PRKCH: variants seen among roughly 807,000 people sequenced by gnomAD.
The protein encoded by PRKCH is protein kinase C eta.
A neutral mutation model predicts 82.5 loss-of-function variants in PRKCH; 28 were observed. The ratio of observed to expected loss-of-function variants is 0.34; its 90% confidence interval spans 0.25 to 0.47. The LOEUF (loss-of-function observed/expected upper bound fraction) is 0.47, where lower values mean the gene tolerates loss of function less well. Ranked by LOEUF, PRKCH falls within the 20% of genes least tolerant of loss-of-function variation. The pLI is 1.00. For synonymous variants in PRKCH, 322 were observed against 327.4 expected, an observed-to-expected ratio of 0.98 and a Z score of 0.18; for missense variants, 705 against 881.8, an observed-to-expected ratio of 0.80 and a Z score of 2.54.
rs2045632321 is a variant in PRKCH at position 61,322,079 on chromosome 14, G to A, written c.-23G>A. 3.9e-6 allele frequency: 6 copies of A among 1,519,900 alleles called. No homozygotes were observed. In the Admixed American group the frequency reaches 1.0e-4, roughly 26 times the overall value. The allele number at this position is 1,519,900 out of a possible 1,614,324, so 94.2% of individuals were successfully genotyped here. On this transcript the variant is annotated 5_prime_UTR_variant, in exon 1 of 14. Transcript: ENST00000332981. ...CCGCTGCGAAGCAGCGCGGCCCCCC[G>A]GGGCCGGGGCAGCGGCGCCGGCATG...
intron 1 of PRKCH, among the ~76,000 whole-genome samples, chr14:61,367,395 G>A (rs193186122): frequency 2.0e-5 from 3 of 150,642 alleles, no homozygotes; most frequent in Admixed American, 2.0e-4. Flanking sequence ...TCAGAGGTCA[G>A]CCCTGATGTA....
chr14:61,467,775 G>A lies in PRKCH; in HGVS notation c.1278+10096G>A, dbSNP rs554495310. Among the ~76,000 whole-genome samples the A allele has an allele frequency of 2.0e-5, 3 of 152,344 alleles. No homozygotes were observed. In the South Asian group the frequency reaches 6.2e-4, roughly 32 times the overall value. ...GGCAGTTCATGAGACCCTAGCATAT[G>A]TCCTAGGTGCTCATATTCATTACCA... On this transcript the variant is annotated intron_variant, in intron 9 of 13. Coordinates refer to ENST00000332981, the MANE Select transcript of PRKCH (RefSeq NM_006255.5).
intron 10 of PRKCH, among the ~76,000 whole-genome samples, chr14:61,517,053 C>A (rs2042838731): frequency 6.6e-6 from 1 of 152,108 alleles, no homozygotes; most frequent in African/African-American, 2.4e-5. Flanking sequence ...CCAGATGAGA[C>A]CTGCTGAGGT....
chr14:61,280,257 G>A lies in PRKCH; in HGVS notation c.-19+92589G>A, dbSNP rs766577089. The A allele has an allele frequency of 6.2e-7, 1 of 1,614,048 alleles. No homozygotes were observed. Among genetic ancestry groups the A allele is most frequent in the African/African-American group, 1.3e-5 (1 of 75,058 alleles). ...TGCTGAAGATGAGGAGCTTGTGGCC[G>A]CCGAACGCGCGCACCGGGTAGTTGT... is the stretch of plus-strand genomic sequence containing the variant. On this transcript the variant is annotated intron_variant, in intron 1 of 3. Coordinates refer to the PRKCH transcript ENST00000555185. This position sits in a 1 kb window ranked among gnomAD's most constrained non-coding sequence, Gnocchi z 5.0.
At chr14:61,262,377 C>T (rs1277408423) in intron 1 of PRKCH, among the ~76,000 whole-genome samples, 3 of 152,042 alleles carry the variant, frequency 2.0e-5, no homozygotes, top group African/African-American at 7.3e-5. Flanking sequence ...ACTACAGATA[C>T]ACAGTATGAT....
chr14:61,264,185 G>A (rs900373478), intron 1 of PRKCH, among the ~76,000 whole-genome samples: 4 of 152,092 alleles, frequency 2.6e-5, no homozygotes, highest in Admixed American at 2.0e-4. Flanking sequence ...CAGTTTCATT[G>A]TGTGGCAGTC....
chr14:61,519,537 C>T (rs1213632559), intron 10 of PRKCH, among the ~76,000 whole-genome samples: 1 of 152,146 alleles, frequency 6.6e-6, no homozygotes, highest in Non-Finnish European at 1.5e-5. Context: ...CTTGGCAACA[C>T]TTTCTGGGCT....
At chr14:61,505,602 C>T (rs755677959) in intron 10 of PRKCH, among the ~76,000 whole-genome samples, 30 of 151,424 alleles carry the variant, frequency 2.0e-4, no homozygotes, top group Non-Finnish European at 3.2e-4. Context: ...CTCGAACTCC[C>T]GACCTCAGGT....
At chr14:61,302,539 A>G (rs76535112) in intron 1 of PRKCH, among the ~76,000 whole-genome samples, 2,849 of 152,318 alleles carry the variant, frequency 0.019, 106 homozygotes, top group African/African-American at 0.065. Flanking sequence ...GTAGGTTTGC[A>G]TAGACCTGCT....
chr14:61,527,021 C>T (rs1431110932), intron 10 of PRKCH, among the ~76,000 whole-genome samples: 2 of 152,250 alleles, frequency 1.3e-5, no homozygotes, highest in East Asian at 3.8e-4. Context: ...GCTAGCAATG[C>T]CACCCTCCCT....
intron 9 of PRKCH, among the ~76,000 whole-genome samples, chr14:61,465,098 T>C (rs1052998033): frequency 3.9e-5 from 6 of 152,252 alleles, no homozygotes; most frequent in Non-Finnish European, 8.8e-5. Context: ...TTAAGTTGTT[T>C]GAGTTTCCTC....
intron 1 of PRKCH, among the ~76,000 whole-genome samples, chr14:61,297,006 G>A (rs187012365): frequency 2.6e-5 from 4 of 152,192 alleles, no homozygotes; most frequent in African/African-American, 9.7e-5. Flanking sequence ...GGCAAGGGCA[G>A]TTAACTATGC....
chr14:61,405,039 G>A (rs1881863890), intron 2 of PRKCH, among the ~76,000 whole-genome samples: 1 of 152,170 alleles, frequency 6.6e-6, no homozygotes, highest in Non-Finnish European at 1.5e-5. Context: ...TTCCCCTTTG[G>A]TTAGGGGCTT....
At chr14:61,246,411 GAAAAAA>G (rs56223735) in intron 1 of PRKCH, among the ~76,000 whole-genome samples, 16 of 146,786 alleles carry the variant, frequency 1.1e-4, no homozygotes, top group African/African-American at 4.0e-4. Flanking sequence ...CTGTCTCAAA[GAAAAAA>G]AAAAAAGAAT....
rs1267901250 is a variant in PRKCH at position 61,200,188 on chromosome 14, G to C, written c.-19+12520G>C. ...TTCTATAGGAAGAGACAGATGAAGA[G>C]AGAGGGAGAGAAAACAGGACAAGTT... On this transcript the variant is annotated intron_variant, in intron 1 of 3. Coordinates refer to the PRKCH transcript ENST00000555185. Among the ~76,000 whole-genome samples the C allele has an allele frequency of 3.3e-5, 5 of 152,180 alleles. No individual in the cohort carries two copies. In the East Asian group the frequency reaches 9.6e-4, roughly 29 times the overall value.
rs148813430 is a variant in PRKCH at position 61,370,089 on chromosome 14, G to A, written c.364-21136G>A. On this transcript the variant is annotated intron_variant, in intron 1 of 13. Coordinates refer to ENST00000332981, the MANE Select transcript of PRKCH (RefSeq NM_006255.5). ...CTCCCAAGTAATTGGGATTACAGGC[G>A]CCCATCACCACACCTGGCTAATTTT... Among the ~76,000 whole-genome samples the A allele has an allele frequency of 1.5e-3, 235 of 151,916 alleles. 4 individuals are homozygous for A. The highest frequency in any genetic ancestry group is 5.5e-3 in the African/African-American group (226 of 41,332).
chr14:61,348,968 T>G (rs1013404941), intron 1 of PRKCH, among the ~76,000 whole-genome samples: 3 of 152,286 alleles, frequency 2.0e-5, no homozygotes, highest in Non-Finnish European at 2.9e-5. Context: ...GTTGCCTGAA[T>G]GACACAGAAG....
chr14:61,294,627 T>C (rs2045391479), intron 1 of PRKCH, among the ~76,000 whole-genome samples: 1 of 152,106 alleles, frequency 6.6e-6, no homozygotes, highest in Non-Finnish European at 1.5e-5. Flanking sequence ...AAGATGAGAA[T>C]TGAATATATT....
chr14:61,359,506 G>A (rs371144973), intron 1 of PRKCH, among the ~76,000 whole-genome samples: 1 of 152,186 alleles, frequency 6.6e-6, no homozygotes, highest in Non-Finnish European at 1.5e-5. Flanking sequence ...GCACTTCCCT[G>A]TTGGGAGATA....
Sources: allele counts gnomAD v4.1 joint callset (sites outside exome capture counted in the v4.1 genomes callset), GRCh38; gene constraint gnomAD v4.1.1; non-coding constraint Gnocchi (gnomAD v3.1); transcripts MANE v1.5; gene names NCBI Gene and HGNC (gene_info 2026-07-23, HGNC 2026-07-21).